CTNNA2: variants seen among roughly 807,000 people sequenced by gnomAD.
The protein encoded by CTNNA2 is catenin alpha 2, also known as catenin alpha-2.
In CTNNA2, 42 loss-of-function variants were observed where a neutral mutation model predicts 101.0. The observed-to-expected ratio is 0.42, with a 90% confidence interval of 0.32 to 0.54. CTNNA2 has a LOEUF of 0.54. CTNNA2 is among the 20% of genes least tolerant of loss of function. CTNNA2 has a pLI of 0.14. For missense variants in CTNNA2, 871 were observed against 1,223.1 expected, an observed-to-expected ratio of 0.71 and a Z score of 4.29; for synonymous variants, 450 against 456.4, an observed-to-expected ratio of 0.99 and a Z score of 0.18.
At chr2:79,630,083 G>A (rs1334973738) in intron 1 of CTNNA2, among the ~76,000 whole-genome samples, 1 of 152,170 alleles carries the variant, frequency 6.6e-6, no homozygotes, top group Non-Finnish European at 1.5e-5. Flanking sequence ...TATTCAGATT[G>A]TCCAGTCTTA....
chr2:80,473,727 T>TG, intron 9 of CTNNA2, among the ~76,000 whole-genome samples: 1 of 152,330 alleles, frequency 6.6e-6, no homozygotes, highest in South Asian at 2.1e-4. Flanking sequence ...CTTACGATCA[T>TG]GGGTGCTTGT....
chr2:80,643,545 TA>T (rs1209862575), intron 18 of CTNNA2, among the ~76,000 whole-genome samples: 1 of 152,132 alleles, frequency 6.6e-6, no homozygotes, highest in Non-Finnish European at 1.5e-5. Flanking sequence ...TATAGGAATA[TA>T]AAAGGCCCTT....
intron 3 of CTNNA2, among the ~76,000 whole-genome samples, chr2:79,333,803 A>G (rs1252256079): frequency 1.3e-5 from 2 of 152,196 alleles, no homozygotes; most frequent in African/African-American, 4.8e-5. Context: ...CTCAATTACA[A>G]TATAAAATTA....
chr2:79,972,073 C>G (rs1255293897), intron 7 of CTNNA2, among the ~76,000 whole-genome samples: 1 of 152,184 alleles, frequency 6.6e-6, no homozygotes, highest in Non-Finnish European at 1.5e-5. Context: ...TTGGTTGCAG[C>G]AGATCACGGG....
At chr2:79,692,764 A>G (rs553615656) in intron 2 of CTNNA2, among the ~76,000 whole-genome samples, 8 of 151,892 alleles carry the variant, frequency 5.3e-5, no homozygotes, top group African/African-American at 1.9e-4. Flanking sequence ...TCAGCAAACT[A>G]TCACAGGAAC....
chr2:79,461,495 G>A (rs867668607), intron 4 of CTNNA2, among the ~76,000 whole-genome samples: 13 of 152,090 alleles, frequency 8.5e-5, no homozygotes, highest in South Asian at 8.3e-4. Context: ...CATTGACACC[G>A]TGTTTGGGAG....
At chr2:79,966,262 G>A (rs1017542289) in intron 7 of CTNNA2, among the ~76,000 whole-genome samples, 1 of 151,978 alleles carries the variant, frequency 6.6e-6, no homozygotes, top group African/African-American at 2.4e-5. Flanking sequence ...GGGGGACAGG[G>A]TCTTGCTTTA....
intron 3 of CTNNA2, among the ~76,000 whole-genome samples, chr2:79,764,997 T>C (rs1479931057): frequency 6.6e-6 from 1 of 152,088 alleles, no homozygotes; most frequent in Non-Finnish European, 1.5e-5. Flanking sequence ...TTAGAGGTTA[T>C]GGTAGGGTTC....
At chr2:79,944,112 A>C (rs867770164) in intron 7 of CTNNA2, among the ~76,000 whole-genome samples, 1 of 152,156 alleles carries the variant, frequency 6.6e-6, no homozygotes, top group Non-Finnish European at 1.5e-5. Context: ...GGATTCTGAA[A>C]TAATCTCATT....
At chr2:79,347,409 T>C (rs1677285647) in intron 3 of CTNNA2, among the ~76,000 whole-genome samples, 1 of 152,198 alleles carries the variant, frequency 6.6e-6, no homozygotes, top group African/African-American at 2.4e-5. Context: ...AAGATAATAA[T>C]AGTACTTTAC....
chr2:79,996,966 G>A (rs993657692), intron 7 of CTNNA2, among the ~76,000 whole-genome samples: 3 of 152,124 alleles, frequency 2.0e-5, no homozygotes, highest in Non-Finnish European at 2.9e-5. Flanking sequence ...GTGGAACTGT[G>A]CCCTAGCGGA....
At chr2:80,000,805 G>A (rs1251462379) in intron 7 of CTNNA2, among the ~76,000 whole-genome samples, 1 of 152,164 alleles carries the variant, frequency 6.6e-6, no homozygotes, top group Admixed American at 6.5e-5. Context: ...GGGATTTAGG[G>A]CAAATTGTTG....
At position 80,086,836 on chromosome 2, in the gene CTNNA2, A is replaced by G. The variant is rs79148822; in HGVS notation, c.1056+177039A>G. Among the ~76,000 whole-genome samples, 111 of 152,076 alleles carry G rather than the reference A, an allele frequency of 7.3e-4. No homozygotes were observed. In the East Asian group the frequency reaches 0.02, roughly 28 times the overall value. On this transcript the variant is annotated intron_variant, in intron 7 of 18. Transcript: ENST00000402739. ...CAAAGATAGGAAGCATTATGAAGAC[A>G]TTTTCCAAATGGCCTCAAGAAACTG...
At chr2:79,967,482 C>T (rs1199129023) in intron 7 of CTNNA2, among the ~76,000 whole-genome samples, 1 of 152,124 alleles carries the variant, frequency 6.6e-6, no homozygotes, top group Non-Finnish European at 1.5e-5. Context: ...CCTCTCTTGC[C>T]TCATGATGAC....
chr2:79,921,350 A>G (rs1309485751), intron 7 of CTNNA2, among the ~76,000 whole-genome samples: 1 of 152,178 alleles, frequency 6.6e-6, no homozygotes, highest in African/African-American at 2.4e-5. Flanking sequence ...TCATCAAGTG[A>G]AATATCTTTC....
At position 80,217,466 on chromosome 2, in the gene CTNNA2, C is replaced by T. The variant is rs1278017507; in HGVS notation, c.1057-175745C>T. Among the ~76,000 whole-genome samples, 3 of 152,026 alleles carry T rather than the reference C, an allele frequency of 2.0e-5. No individual in the cohort carries two copies. In the East Asian group the frequency reaches 5.8e-4, roughly 30 times the overall value. On this transcript the variant is annotated intron_variant, in intron 7 of 18. Coordinates refer to ENST00000402739, the MANE Select transcript of CTNNA2 (RefSeq NM_001282597.3). ...TGTTACCTTTAAAATGGGCCTAATG[C>T]CTTCCCCACAGAGAACCTAAAAATT...
At chr2:80,067,676 TA>T (rs1165493130) in intron 7 of CTNNA2, among the ~76,000 whole-genome samples, 8 of 152,028 alleles carry the variant, frequency 5.3e-5, no homozygotes, top group African/African-American at 1.7e-4. Flanking sequence ...AAAAGGAGAA[TA>T]AAAGAAGGGA....
chr2:80,523,237 T>C (rs536479408), intron 9 of CTNNA2, among the ~76,000 whole-genome samples: 5 of 152,150 alleles, frequency 3.3e-5, no homozygotes, highest in African/African-American at 4.8e-5. Flanking sequence ...GAGAGCAGAA[T>C]TCAAATACAT....
At chr2:79,306,674 A>C (rs1355376897) in intron 2 of CTNNA2, among the ~76,000 whole-genome samples, 1 of 152,198 alleles carries the variant, frequency 6.6e-6, no homozygotes, top group Non-Finnish European at 1.5e-5. Context: ...TTCCATATCT[A>C]GTATTTGAAA....
Sources: allele counts gnomAD v4.1 joint callset (sites outside exome capture counted in the v4.1 genomes callset), GRCh38; gene constraint gnomAD v4.1.1; transcripts MANE v1.5; gene names NCBI Gene and HGNC (gene_info 2026-07-23, HGNC 2026-07-21).